The following OTOG variants were observed in gnomAD, a reference collection of about 807,000 sequenced individuals.
The protein encoded by OTOG is otogelin.
In OTOG, 296 loss-of-function variants were observed where a neutral mutation model predicts 313.8. That is an observed-to-expected ratio of 0.94 (90% CI 0.86 to 1.04). OTOG has a LOEUF of 1.04. OTOG is among the 50% of genes least tolerant of loss of function. The probability of loss-of-function intolerance (pLI) is 0.00; values close to 1 mark genes in which losing one functional copy is unlikely to be tolerated. For missense variants in OTOG, 3,948 were observed against 3,840.1 expected (o/e 1.03, Z -0.74); for synonymous variants, 1,533 against 1,554.9 (o/e 0.99, Z 0.33).
intron 15 of OTOG, among the ~76,000 whole-genome samples, chr11:17,563,347 C>T (rs919719602): frequency 3.3e-5 from 5 of 152,220 alleles, no homozygotes; most frequent in Non-Finnish European, 7.3e-5. Flanking sequence ...GCTCCAGCCC[C>T]CAGCACTGAG....
intron 23 of OTOG, among the ~76,000 whole-genome samples, chr11:17,584,814 C>T (rs1306050555): frequency 2.0e-5 from 3 of 152,244 alleles, no homozygotes; most frequent in Non-Finnish European, 2.9e-5. Context: ...ACATGAGCCA[C>T]CGCACCAAGC....
In OTOG at chr11:17,641,832, C is replaced by A; in HGVS notation, c.8191-15C>A. 1.9e-6 allele frequency: 3 copies of A among 1,540,356 alleles called. No homozygotes were observed. Among genetic ancestry groups the A allele is most frequent in the Non-Finnish European group, 2.6e-6 (3 of 1,141,008 alleles). On this transcript the variant is annotated splice_polypyrimidine_tract_variant and intron_variant, in intron 51 of 55. Coordinates refer to ENST00000399397, the MANE Select transcript of OTOG (RefSeq NM_001292063.2). ...GTGGGCATCTGGCTGAGGCCCACCCCGCCCTGGCCTGTAGAACCAGGAGTA... is the reference window on the plus strand; with the variant it reads ...GTGGGCATCTGGCTGAGGCCCACCCAGCCCTGGCCTGTAGAACCAGGAGTA...
At chr11:17,643,541 G>GC in intron 54 of OTOG, 35 bp downstream of exon 54, 1 of 1,248,076 alleles carries the variant, frequency 8.0e-7, no homozygotes, top group Non-Finnish European at 1.1e-6. Context: ...GGGGTGGGGG[G>GC]CTCTGATGGG....
At chr11:17,602,627 A>G (rs1853283644) in intron 32 of OTOG, among the ~76,000 whole-genome samples, 1 of 152,082 alleles carries the variant, frequency 6.6e-6, no homozygotes, top group South Asian at 2.1e-4. Context: ...TGTATGCAAT[A>G]GCTGTGTTCC....
intron 13 of OTOG, 25 bp downstream of exon 13, chr11:17,560,842 G>C: frequency 6.5e-7 from 1 of 1,534,344 alleles, no homozygotes; most frequent in Non-Finnish European, 8.8e-7. Context: ...CCGGGAAGCA[G>C]GGTGTGGGGC....
At chr11:17,590,447 ACTT>A (rs1359800616) in intron 24 of OTOG, among the ~76,000 whole-genome samples, 1 of 151,974 alleles carries the variant, frequency 6.6e-6, no homozygotes, top group Admixed American at 6.6e-5. Flanking sequence ...GAATCTGACA[ACTT>A]CTCACTCTTT....
chr11:17,559,885 GGAGA>G (rs756751106), intron 12 of OTOG, among the ~76,000 whole-genome samples: 83 of 112,798 alleles, frequency 7.4e-4, no homozygotes, highest in Admixed American at 2.1e-3. Flanking sequence ...AGGAAGGAAG[GGAGA>G]GAGGGAGGGA....
At chr11:17,567,668 G>A (rs1358603019) in intron 15 of OTOG, among the ~76,000 whole-genome samples, 1 of 152,098 alleles carries the variant, frequency 6.6e-6, no homozygotes, top group Non-Finnish European at 1.5e-5. Flanking sequence ...AAACCACTTT[G>A]CCTGATGGGT....
chr11:17,606,662 A>G (rs116079442), intron 33 of OTOG, among the ~76,000 whole-genome samples: 169 of 152,330 alleles, frequency 1.1e-3, no homozygotes, highest in African/African-American at 3.9e-3. Flanking sequence ...TCTGTCCCCA[A>G]AATATTGTTC....
chr11:17,591,325 G>A (rs983380584), intron 24 of OTOG, 125 bp from the exon 25 acceptor site: 86 of 1,301,670 alleles, frequency 6.6e-5, no homozygotes, highest in South Asian at 4.8e-4. Flanking sequence ...TTAGAGGTTG[G>A]TGTTTGTTGA....
At chr11:17,621,916 C>A (rs1853874622) in intron 39 of OTOG, among the ~76,000 whole-genome samples, 1 of 152,178 alleles carries the variant, frequency 6.6e-6, no homozygotes, top group Non-Finnish European at 1.5e-5. Flanking sequence ...ATTACTCCAC[C>A]TTGGTTAGAA....
At chr11:17,565,938 T>C (rs1590003705) in intron 15 of OTOG, among the ~76,000 whole-genome samples, 2 of 152,314 alleles carry the variant, frequency 1.3e-5, no homozygotes, top group East Asian at 3.9e-4. Context: ...CATTCATTTC[T>C]CCAAAAATAT....
chr11:17,637,228 C>T (rs1854288421), intron 47 of OTOG, among the ~76,000 whole-genome samples: 1 of 151,616 alleles, frequency 6.6e-6, no homozygotes, highest in African/African-American at 2.4e-5. Flanking sequence ...TGGACATACT[C>T]TTTTTTTTTA....
chr11:17,578,514 C>T lies in OTOG; in HGVS notation c.2747C>T (p.Ala916Val), dbSNP rs1215565024. 1.3e-6 allele frequency: 2 copies of T among 1,535,892 alleles called. No homozygotes were observed. The highest frequency in any genetic ancestry group is 2.7e-5 in the African/African-American group (2 of 72,982). Reference protein sequence around the residue: ...SARGPCLSGCACPQGLLRHGD... With the variant: ...SARGPCLSGCVCPQGLLRHGD... ...CGTGGCCCCTGCCTCTCGGGCTGCGCCTGTCCCCAGGGGTAAGTACCCATG... is the reference window on the plus strand; with the variant it reads ...CGTGGCCCCTGCCTCTCGGGCTGCGTCTGTCCCCAGGGGTAAGTACCCATG... Residue 916 changes from alanine (A) to valine (V), a missense_variant, in exon 23 of 56, where the codon GCC becomes GTC. Coordinates refer to ENST00000399397, the MANE Select transcript of OTOG (RefSeq NM_001292063.2).
At chr11:17,588,094 C>G (rs537178389) in intron 24 of OTOG, among the ~76,000 whole-genome samples, 1 of 152,150 alleles carries the variant, frequency 6.6e-6, no homozygotes, top group East Asian at 1.9e-4. Context: ...GATTTGGAAC[C>G]CTGACATGAG....
intron 39 of OTOG, among the ~76,000 whole-genome samples, chr11:17,624,738 G>T (rs1488996564): frequency 6.6e-6 from 1 of 152,026 alleles, no homozygotes; most frequent in Non-Finnish European, 1.5e-5. Flanking sequence ...TCTATCAATT[G>T]CTTTGGGCAG....
At chr11:17,560,511 G>T (rs1258187260) in intron 12 of OTOG, among the ~76,000 whole-genome samples, 198 bp from the exon 13 acceptor site, 1 of 152,190 alleles carries the variant, frequency 6.6e-6, no homozygotes, top group Non-Finnish European at 1.5e-5. Flanking sequence ...CTGAGCAAAG[G>T]TCTAGGGGTG....
chr11:17,570,782 TTTTG>T (rs1303804988), intron 17 of OTOG, among the ~76,000 whole-genome samples: 2 of 152,040 alleles, frequency 1.3e-5, no homozygotes, highest in Non-Finnish European at 2.9e-5. Context: ...TGGCTCATGG[TTTTG>T]TTTGTTTTAA....
In OTOG at chr11:17,560,699, G is replaced by A. The variant is rs1244805966; in HGVS notation, c.1343-10G>A. 1 of 1,548,760 alleles carries A rather than the reference G, an allele frequency of 6.5e-7. No homozygotes were observed. Among genetic ancestry groups the A allele is most frequent in the South Asian group, 1.2e-5 (1 of 84,036 alleles). On this transcript the variant is annotated splice_polypyrimidine_tract_variant and intron_variant, in intron 12 of 55. Transcript: ENST00000399397. ...AAGGTGAGTTAATTGGCCCTTTGCT[G>A]TCACTCTAGGGCTCATCTTCGAGGA...
Sources: gnomAD v4.1 joint callset for allele counts (sites outside exome capture counted in the v4.1 genomes callset) on GRCh38, gnomAD v4.1.1 for gene constraint, MANE v1.5 for transcripts, NCBI Gene and HGNC (gene_info 2026-07-23, HGNC 2026-07-21) for gene names.